The following OARD1 variants were observed in gnomAD, a reference collection of about 807,000 sequenced individuals.
The protein encoded by OARD1 is O-acyl-ADP-ribose deacylase 1.
OARD1 carries 19 observed loss-of-function variants against 19.7 expected under a neutral mutation model. The ratio of observed to expected loss-of-function variants is 0.96; its 90% CI spans 0.67 to 1.41. The LOEUF (loss-of-function observed/expected upper bound fraction) is 1.41, where lower values mean the gene tolerates loss of function less well. Ranked by LOEUF, OARD1 falls within the 40% of genes most tolerant of loss-of-function variation. OARD1 has a pLI of 0.00. For synonymous variants in OARD1, 70 were observed against 61.8 expected, an observed-to-expected ratio of 1.13 and a Z score of -0.62; for missense variants, 190 against 183.8, an observed-to-expected ratio of 1.03 and a Z score of -0.20.
In OARD1 at chr6:41,068,800, C is replaced by G. The variant is rs369914788; in HGVS notation, c.356+41G>C. 63 of 1,059,140 alleles carry G rather than the reference C, an allele frequency of 5.9e-5. No homozygotes were observed. The African/African-American group carries it at 8.3e-4, about 14-fold the overall frequency. 65.6% of individuals were successfully genotyped at this position (1,059,140 alleles called of 1,614,324 possible). A position where few individuals can be genotyped will look rare whatever the true frequency, so the allele number is the denominator to read the frequency against. ...CTTTGGGTAAGATAGTAAACCCCAC[C>G]AATCAATTAAATCTCCATTTAGGAC... is the stretch of plus-strand genomic sequence containing the variant. On this transcript the variant is annotated intron_variant, in intron 5 of 5. Transcript: ENST00000424266.
intron 1 of OARD1, among the ~76,000 whole-genome samples, chr6:41,086,143 C>G (rs983450174): frequency 1.3e-5 from 2 of 152,218 alleles, no homozygotes; most frequent in African/African-American, 4.8e-5. Flanking sequence ...GCTGCGCCTT[C>G]TCCACTGTTG....
rs970324864 is a variant in OARD1 at position 41,071,431 on chromosome 6, A to C, written c.40-155T>G. ...AACCAATTACAGCATGTGTAAAAGG[A>C]AAGTAATGGATGATCCCTGCCTAGA... On this transcript the variant is annotated intron_variant, in intron 2 of 5. Transcript: ENST00000424266. 7.2e-6 allele frequency: 7 copies of C among 973,168 alleles called. No homozygotes were observed. The African/African-American group carries it at 9.8e-5, about 14-fold the overall frequency. 60.3% of individuals were successfully genotyped at this position (973,168 alleles called of 1,614,324 possible).
In OARD1 at chr6:41,066,389, C is replaced by T. The variant is rs577269162; in HGVS notation, c.*946G>A. On this transcript the variant is annotated 3_prime_UTR_variant, in exon 6 of 6. Coordinates refer to ENST00000424266, the MANE Select transcript of OARD1 (RefSeq NM_001329686.2). ...GCTCAAGTCATCCTCCAGTCTCAGCCTCTCAAAGTGCTGAGATGACAGGTA... is the reference window on the plus strand; with the variant it reads ...GCTCAAGTCATCCTCCAGTCTCAGCTTCTCAAAGTGCTGAGATGACAGGTA... 2.0e-5 allele frequency: 3 copies of T among 152,294 alleles called. No homozygotes were observed. Among genetic ancestry groups the T allele is most frequent in the South Asian group, 4.1e-4 (2 of 4,828 alleles). The allele number at this position is 152,294 out of a possible 1,614,324, so 9.4% of individuals were successfully genotyped here.
At chr6:41,068,126 A>G (rs1763119966) in intron 5 of OARD1, among the ~76,000 whole-genome samples, 1 of 152,264 alleles carries the variant, frequency 6.6e-6, no homozygotes, top group South Asian at 2.1e-4. Context: ...CACCATAAAT[A>G]TATCAAAGAC....
rs367707236 is a variant in OARD1 at position 41,067,362 on chromosome 6, G to T, written c.432C>A (p.Asp144Glu). The T allele has an allele frequency of 5.0e-6, 8 of 1,612,310 alleles. No homozygotes were observed. Among genetic ancestry groups the T allele is most frequent in the Non-Finnish European group, 6.8e-6 (8 of 1,178,400 alleles). ...AMIEEVFEAT[D>E]IKITVYTL Reference sequence around the variant, plus strand: ...AGAGTGTGTACACAGTAATTTTGATGTCTGTTGCCTCAAATACCTCCTCGA... The same window carrying T: ...AGAGTGTGTACACAGTAATTTTGATTTCTGTTGCCTCAAATACCTCCTCGA... The change falls in exon 6 of 6, where the codon GAC becomes GAA. Residue 144 changes from aspartate (D) to glutamate (E), a missense_variant. Asp to Glu is a conservative substitution (Grantham distance 45). Transcript: ENST00000424266.
intron 1 of OARD1, chr6:41,079,217 C>T: frequency 1.3e-6 from 2 of 1,529,770 alleles, no homozygotes; most frequent in Non-Finnish European, 1.8e-6. Flanking sequence ...GATAACAGCA[C>T]CACTCAATTG....
At chr6:41,084,486 T>G (rs1763988239) in intron 1 of OARD1, among the ~76,000 whole-genome samples, 1 of 152,168 alleles carries the variant, frequency 6.6e-6, no homozygotes, top group African/African-American at 2.4e-5. Context: ...CAAAAATGAG[T>G]ATTTAGAAAG....
chr6:41,066,051 T>C lies in OARD1; in HGVS notation c.*1284A>G, dbSNP rs1227314363. On this transcript the variant is annotated 3_prime_UTR_variant, in exon 6 of 6. Transcript: ENST00000424266. ...TTCGGAAGAAAAGAGGACTAATATTTAGACCCCAGCTGGCTGCACATCCAA... is the reference window on the plus strand; with the variant it reads ...TTCGGAAGAAAAGAGGACTAATATTCAGACCCCAGCTGGCTGCACATCCAA... The C allele has an allele frequency of 1.3e-5, 2 of 152,248 alleles. No homozygotes were observed. The highest frequency in any genetic ancestry group is 2.9e-5 in the Non-Finnish European group (2 of 68,048). The allele number at this position is 152,248 out of a possible 1,614,324, so 9.4% of individuals were successfully genotyped here.
At chr6:41,069,002 GA>G in intron 4 of OARD1, 49 bp from the exon 5 acceptor site, 1 of 1,011,460 alleles carries the variant, frequency 9.9e-7, no homozygotes, top group Non-Finnish European at 1.5e-6. Context: ...GATAGCCAAA[GA>G]AAAGTCATCA....
chr6:41,090,377 T>G (rs1194130661), intron 1 of OARD1: 2 of 903,720 alleles, frequency 2.2e-6, no homozygotes, highest in Non-Finnish European at 3.6e-6. Context: ...ACAACTGACA[T>G]CTTTAGAATT....
chr6:41,097,315 T>C (rs1470262187), intron 1 of OARD1: 1 of 1,605,540 alleles, frequency 6.2e-7, no homozygotes. Flanking sequence ...TTCCTGTTGC[T>C]TTTGCAAAGG....
Position 41,066,491 on chromosome 6 carries a change from T to C in OARD1, c.*844A>G, listed in dbSNP as rs149123392. 1 of 152,328 alleles carries C rather than the reference T, an allele frequency of 6.6e-6. No individual in the cohort carries two copies. The highest frequency in any genetic ancestry group is 1.9e-4 in the East Asian group (1 of 5,184). The allele number at this position is 152,328 out of a possible 1,614,324, so 9.4% of individuals were successfully genotyped here. On this transcript the variant is annotated 3_prime_UTR_variant, in exon 6 of 6. Coordinates refer to ENST00000424266, the MANE Select transcript of OARD1 (RefSeq NM_001329686.2). ...AGGATTTTTGACAATCACTGATTTA[T>C]TGGGTCACTAGTCTGTGCTAAGTAC...
intron 1 of OARD1, among the ~76,000 whole-genome samples, chr6:41,083,537 T>C (rs898346635): frequency 2.6e-5 from 4 of 152,176 alleles, no homozygotes; most frequent in Non-Finnish European, 5.9e-5. Context: ...AAAAGGGTCA[T>C]CCTCTACATA....
intron 1 of OARD1, chr6:41,080,873 C>T (rs763994434): frequency 1.2e-6 from 2 of 1,613,960 alleles, no homozygotes; most frequent in Non-Finnish European, 1.7e-6. Flanking sequence ...CCGCCTCAGG[C>T]CAGCAAGTCC....
chr6:41,078,836 G>A (rs543265948), intron 1 of OARD1, among the ~76,000 whole-genome samples: 80 of 152,192 alleles, frequency 5.3e-4, no homozygotes, highest in Non-Finnish European at 9.7e-4. Flanking sequence ...TTTTAGAAAC[G>A]TGAAAATAGC....
At chr6:41,071,723 A>G in intron 1 of OARD1, 48 bp from the exon 2 acceptor site, 10 of 1,079,968 alleles carry the variant, frequency 9.3e-6, no homozygotes, top group Non-Finnish European at 1.4e-5. Context: ...GCCTTAGTAT[A>G]TAATATTCTG....
chr6:41,091,504 G>C (rs1034495678), intron 1 of OARD1: 6 of 1,608,064 alleles, frequency 3.7e-6, no homozygotes, highest in Admixed American at 3.4e-5. Context: ...TTTTTTGTTT[G>C]TTTTATGTTT....
chr6:41,074,810 T>C (rs1030515910), upstream of OARD1, among the ~76,000 whole-genome samples: 16 of 152,208 alleles, frequency 1.1e-4, no homozygotes, highest in Non-Finnish European at 1.5e-5. Context: ...CTGACTTGTT[T>C]ATGGGTTCTG....
At chr6:41,085,014 T>C (rs1016548329) in intron 1 of OARD1, among the ~76,000 whole-genome samples, 5 of 152,090 alleles carry the variant, frequency 3.3e-5, no homozygotes, top group African/African-American at 1.2e-4. Context: ...TACAACTCTG[T>C]GGCATCATAT....
Sources: gnomAD v4.1 joint callset for allele counts (sites outside exome capture counted in the v4.1 genomes callset) on GRCh38, gnomAD v4.1.1 for gene constraint, MANE v1.5 for transcripts, NCBI Gene and HGNC (gene_info 2026-07-23, HGNC 2026-07-21) for gene names.